Variants in NEO1 observed in about 807,000 individuals in gnomAD.
NEO1 encodes neogenin 1.
In NEO1, 63 loss-of-function variants were observed where a neutral mutation model predicts 159.7. That is an observed-to-expected ratio of 0.39 (90% CI 0.32 to 0.49). The LOEUF (loss-of-function observed/expected upper bound fraction) is 0.49, where lower values mean the gene tolerates loss of function less well. NEO1 is among the 20% of genes least tolerant of loss of function. The pLI is 0.85. For missense variants in NEO1, 1,615 were observed against 1,831.0 expected (o/e 0.88, Z 2.15); for synonymous variants, 633 against 662.0 (o/e 0.96, Z 0.67).
intron 27 of NEO1, among the ~76,000 whole-genome samples, chr15:73,299,481 G>A (rs947481297): frequency 6.6e-6 from 1 of 151,794 alleles, no homozygotes; most frequent in African/African-American, 2.4e-5. Flanking sequence ...CGACTCCCGG[G>A]TTCACGCCAT....
chr15:73,120,888 A>G (rs921084730), intron 2 of NEO1, among the ~76,000 whole-genome samples: 2 of 152,208 alleles, frequency 1.3e-5, no homozygotes, highest in Non-Finnish European at 2.9e-5. Flanking sequence ...AGGTGCAAGA[A>G]TAGAACCAAG....
chr15:73,273,631 A>C (rs1313705171), intron 19 of NEO1, among the ~76,000 whole-genome samples, 180 bp from the exon 20 acceptor site: 1 of 152,216 alleles, frequency 6.6e-6, no homozygotes, highest in Non-Finnish European at 1.5e-5. Flanking sequence ...GAGCTAAAAC[A>C]GCCTGTCAGG....
intron 1 of NEO1, among the ~76,000 whole-genome samples, chr15:73,060,326 C>T (rs1233373242): frequency 2.0e-5 from 3 of 151,656 alleles, no homozygotes; most frequent in South Asian, 4.2e-4. Context: ...TGTACTGGTG[C>T]GATCTTGGCT....
At chr15:73,055,834 G>C (rs2067667672) in intron 1 of NEO1, among the ~76,000 whole-genome samples, 1 of 152,160 alleles carries the variant, frequency 6.6e-6, no homozygotes, top group Non-Finnish European at 1.5e-5. Context: ...ACTTGCCCAA[G>C]CTGAGATCAA....
chr15:73,053,724 C>CT (rs1268336407), intron 1 of NEO1, among the ~76,000 whole-genome samples: 1 of 152,192 alleles, frequency 6.6e-6, no homozygotes, highest in African/African-American at 2.4e-5. Context: ...GCAGGATACA[C>CT]TCAGCAGTTG....
Position 73,116,809 on chromosome 15 carries a change from G to A in NEO1, c.400G>A (p.Glu134Lys). The change falls in exon 2 of 29, where the codon GAG becomes AAG. Residue 134 changes from glutamate to lysine, a missense_variant. Around this residue, in one of 3 missense-constraint regions of NEO1, gnomAD observed 1,018 missense variants for 1,115.4 expected, o/e 0.91. Transcript: ENST00000261908. ...TTATTATCAGTGTGTGGCCACTGTT[G>A]AGAGTCTTGGAACTATTATCAGTAG... ...EGYYQCVATV[E>K]SLGTIISRTA... 6.2e-7 allele frequency: 1 copy of A among 1,609,646 alleles called. No homozygotes were observed. Among genetic ancestry groups the A allele is most frequent in the South Asian group, 1.1e-5 (1 of 90,152 alleles).
intron 1 of NEO1, among the ~76,000 whole-genome samples, chr15:73,058,956 A>G (rs1430721464): frequency 6.6e-6 from 1 of 152,094 alleles, no homozygotes; most frequent in Non-Finnish European, 1.5e-5. Context: ...AGGTTATTGT[A>G]TATCTTTTTT....
chr15:73,287,871 T>G (rs552890680), intron 23 of NEO1, among the ~76,000 whole-genome samples: 3 of 138,608 alleles, frequency 2.2e-5, no homozygotes, highest in South Asian at 4.7e-4. Flanking sequence ...CGAGCAAAAC[T>G]CCATCTCAAA....
Position 73,293,447 on chromosome 15 carries a change from C to T in NEO1, c.3800C>T (p.Ser1267Phe). ...SLDNPHHHFH[S>F]SSLASPARSH... ...GATAACCCTCACCATCATTTCCACT[C>T]CAGCAGCCTCGCTTCTCCAGCTCGC... Residue 1267 changes from serine (S) to phenylalanine (F), a missense_variant, in exon 26 of 29, where the codon TCC (serine) becomes TTC (phenylalanine). This residue lies in a region of NEO1 where 471 missense variants were observed against 498.9 expected (regional missense o/e 0.94). Coordinates refer to ENST00000261908, the MANE Select transcript of NEO1 (RefSeq NM_002499.4). 9 of 1,614,200 alleles carry T rather than the reference C, an allele frequency of 5.6e-6. No homozygotes were observed. Among genetic ancestry groups the T allele is most frequent in the Non-Finnish European group, 6.8e-6 (8 of 1,180,024 alleles).
chr15:73,139,891 G>C (rs2032211846), intron 5 of NEO1, among the ~76,000 whole-genome samples: 1 of 152,158 alleles, frequency 6.6e-6, no homozygotes, highest in Non-Finnish European at 1.5e-5. Context: ...AATATTTACT[G>C]TCTGGCTCTT....
intron 5 of NEO1, among the ~76,000 whole-genome samples, chr15:73,138,766 A>C (rs1004203870): frequency 6.6e-6 from 1 of 150,862 alleles, no homozygotes; most frequent in African/African-American, 2.4e-5. Context: ...AAAAAAAAAA[A>C]AAAAACAAAA....
Position 73,148,375 on chromosome 15 carries a change from C to G in NEO1, c.1015+12348C>G, listed in dbSNP as rs77217803. On this transcript the variant is annotated intron_variant, in intron 5 of 28. Coordinates refer to ENST00000261908, the MANE Select transcript of NEO1 (RefSeq NM_002499.4). ...ATTAAAGAGATGATAGAATTAGGAA[C>G]AGCAGGAAAAGTGGAGCAGTTTTAT... Among the ~76,000 whole-genome samples the G allele has an allele frequency of 5.3e-5, 8 of 152,254 alleles. No individual in the cohort carries two copies. The East Asian group carries it at 1.5e-3, about 29-fold the overall frequency.
chr15:73,251,361 A>G (rs1415566590), intron 11 of NEO1, among the ~76,000 whole-genome samples: 2 of 152,026 alleles, frequency 1.3e-5, no homozygotes, highest in Non-Finnish European at 1.5e-5. Context: ...AAAAATAATA[A>G]TAATAGCTGG....
At chr15:73,071,899 AG>A (rs2068551093) in intron 1 of NEO1, among the ~76,000 whole-genome samples, 1 of 151,946 alleles carries the variant, frequency 6.6e-6, no homozygotes, top group African/African-American at 2.4e-5. Context: ...GTTTTTCCAT[AG>A]AAATGATCAT....
chr15:73,099,951 A>G (rs913458983), intron 1 of NEO1, among the ~76,000 whole-genome samples: 1 of 152,140 alleles, frequency 6.6e-6, no homozygotes, highest in Non-Finnish European at 1.5e-5. Flanking sequence ...TTTCTTGTTC[A>G]CTATCATTTG....
chr15:73,057,038 G>C (rs1281507809), intron 1 of NEO1, among the ~76,000 whole-genome samples: 2 of 152,154 alleles, frequency 1.3e-5, no homozygotes, highest in Non-Finnish European at 1.5e-5. Flanking sequence ...TATGGGGTAT[G>C]ACTTGTGGTT....
intron 5 of NEO1, chr15:73,162,776 ACCAGCCT>A (rs1422963814): frequency 5.9e-6 from 1 of 168,538 alleles, no homozygotes; most frequent in Non-Finnish European, 1.3e-5. Flanking sequence ...CATCATTTGC[ACCAGCCT>A]CTAAGCTGAC....
In NEO1 at chr15:73,056,729, T is replaced by C. The variant is rs2067717230; in HGVS notation, c.130+3924T>C. Among the ~76,000 whole-genome samples the C allele has an allele frequency of 2.0e-5, 3 of 152,160 alleles. No individual in the cohort carries two copies. In the South Asian group the frequency reaches 6.2e-4, roughly 32 times the overall value. On this transcript the variant is annotated intron_variant, in intron 1 of 28. Transcript: ENST00000261908. ...AACCATCCTTAATTCCTTCAGCCAC[T>C]CTTCACATTACTTAGTTTCCAGATC...
chr15:73,294,166 T>C (rs922437599), intron 26 of NEO1, among the ~76,000 whole-genome samples: 1 of 152,210 alleles, frequency 6.6e-6, no homozygotes. Context: ...AAGAAATACG[T>C]TGCTAGACAA....
Sources: gnomAD v4.1 joint callset for allele counts (sites outside exome capture counted in the v4.1 genomes callset) on GRCh38, gnomAD v4.1.1 for gene constraint, gnomAD v4.1.1 regional missense constraint, MANE v1.5 for transcripts, NCBI Gene and HGNC (gene_info 2026-07-23, HGNC 2026-07-21) for gene names.